AHCYL2: variants seen among roughly 807,000 people sequenced by gnomAD.
AHCYL2 encodes S-adenosylhomocysteine hydrolase-like protein 2.
In AHCYL2, 28 loss-of-function variants were observed where a neutral mutation model predicts 81.4. The ratio of observed to expected loss-of-function variants is 0.34; its 90% CI spans 0.25 to 0.47. The LOEUF (loss-of-function observed/expected upper bound fraction) is 0.47. Ranked by LOEUF, AHCYL2 falls within the 20% of genes least tolerant of loss-of-function variation. The pLI, the probability that AHCYL2 is intolerant of heterozygous loss-of-function variation, is 1.00. For missense variants in AHCYL2, 551 were observed against 785.1 expected, an observed-to-expected ratio of 0.70 and a Z score of 3.56; for synonymous variants, 272 against 290.2, an observed-to-expected ratio of 0.94 and a Z score of 0.64.
intron 1 of AHCYL2, among the ~76,000 whole-genome samples, chr7:129,236,325 C>T (rs925657908): frequency 4.6e-5 from 7 of 152,076 alleles, no homozygotes; most frequent in Admixed American, 3.9e-4. Flanking sequence ...CTCAGCCTCC[C>T]GAGTAGCTGG....
At chr7:129,251,627 G>A (rs1203160274) in intron 1 of AHCYL2, among the ~76,000 whole-genome samples, 2 of 152,126 alleles carry the variant, frequency 1.3e-5, no homozygotes, top group Non-Finnish European at 2.9e-5. Flanking sequence ...CCAAAGTGGT[G>A]AGATTACAGG....
chr7:129,338,964 C>T (rs7778277), intron 1 of AHCYL2, among the ~76,000 whole-genome samples: 36,944 of 152,008 alleles, frequency 0.24, 4,568 homozygotes, highest in South Asian at 0.37. Flanking sequence ...CCTTTGTGTT[C>T]GGATCTCACT....
At chr7:129,404,904 T>C (rs59400358) in intron 7 of AHCYL2, among the ~76,000 whole-genome samples, 193 bp from the exon 8 acceptor site, 1,960 of 152,282 alleles carry the variant, frequency 0.013, 42 homozygotes, top group African/African-American at 0.045. Flanking sequence ...GAATAAAATC[T>C]TTATTGTGAA....
chr7:129,268,112 T>C (rs533049961), intron 1 of AHCYL2, among the ~76,000 whole-genome samples: 1 of 152,342 alleles, frequency 6.6e-6, no homozygotes, highest in African/African-American at 2.4e-5. Context: ...TTTAAACTAG[T>C]AATTAGTAAT....
chr7:129,323,875 T>TC (rs1798123018), intron 1 of AHCYL2, among the ~76,000 whole-genome samples: 1 of 143,840 alleles, frequency 7.0e-6, no homozygotes, highest in East Asian at 2.0e-4. Flanking sequence ...CCTTTTAGCT[T>TC]TTTTTTTTTT....
chr7:129,366,400 C>T (rs1032898409), intron 1 of AHCYL2, among the ~76,000 whole-genome samples: 23 of 152,188 alleles, frequency 1.5e-4, no homozygotes, highest in Non-Finnish European at 2.8e-4. Context: ...ATCCAAAGGA[C>T]CATTCTCTTA....
At chr7:129,404,548 G>A (rs541337025) in intron 7 of AHCYL2, among the ~76,000 whole-genome samples, 415 of 152,226 alleles carry the variant, frequency 2.7e-3, no homozygotes, top group South Asian at 0.011. Context: ...GGTGGCGGGC[G>A]CCTATAATCC....
intron 1 of AHCYL2, among the ~76,000 whole-genome samples, chr7:129,329,199 A>G (rs1798330849): frequency 6.6e-6 from 1 of 152,106 alleles, no homozygotes; most frequent in Non-Finnish European, 1.5e-5. Context: ...GTTTTGTTTG[A>G]GATAGGGTCT....
rs1407738584 is a variant in AHCYL2 at position 129,429,393 on chromosome 7, C to T, written c.*2348C>T. On this transcript the variant is annotated 3_prime_UTR_variant, in exon 17 of 17. Coordinates refer to ENST00000325006, the MANE Select transcript of AHCYL2 (RefSeq NM_015328.4). ...CAATGTGTCTTCTTTCCTCCAACCT[C>T]TTACCTTAGATGCATCCTGGTTATC... 2.6e-5 allele frequency: 4 copies of T among 152,358 alleles called. No homozygotes were observed. In the East Asian group the frequency reaches 7.7e-4, roughly 29 times the overall value. 9.4% of individuals were successfully genotyped at this position (152,358 alleles called of 1,614,324 possible). A position where few individuals can be genotyped will look rare whatever the true frequency, so the allele number is the denominator to read the frequency against.
chr7:129,247,242 G>GT (rs1795094153), intron 1 of AHCYL2, among the ~76,000 whole-genome samples: 1 of 152,222 alleles, frequency 6.6e-6, no homozygotes, highest in Non-Finnish European at 1.5e-5. Context: ...ACTTGGCATT[G>GT]TCAGTCTTTT....
chr7:129,377,496 C>T (rs1794741842), intron 1 of AHCYL2: 1 of 455,472 alleles, frequency 2.2e-6, no homozygotes, highest in Admixed American at 2.4e-5. Context: ...GGCATTGGTC[C>T]CTTGTCGCAA....
intron 1 of AHCYL2, among the ~76,000 whole-genome samples, chr7:129,349,651 C>CAAA (rs34969591): frequency 0.018 from 1,558 of 85,924 alleles, 86 homozygotes; most frequent in African/African-American, 0.073. Context: ...GACTCTGTTT[C>CAAA]AAAAAAAAAA....
intron 1 of AHCYL2, among the ~76,000 whole-genome samples, chr7:129,240,959 G>GTTCCATC (rs1330783048): frequency 6.6e-6 from 1 of 152,080 alleles, no homozygotes; most frequent in Non-Finnish European, 1.5e-5. Flanking sequence ...ACTTAAGAAT[G>GTTCCATC]ACTTAGGAAT....
intron 1 of AHCYL2, among the ~76,000 whole-genome samples, chr7:129,253,271 T>C (rs756956673): frequency 5.9e-5 from 9 of 152,086 alleles, no homozygotes; most frequent in Non-Finnish European, 1.0e-4. Context: ...ATGAAGGCTT[T>C]GTCCCAATCT....
intron 1 of AHCYL2, among the ~76,000 whole-genome samples, chr7:129,319,662 C>T (rs1282630602): frequency 1.3e-5 from 2 of 152,164 alleles, no homozygotes; most frequent in Non-Finnish European, 2.9e-5. Flanking sequence ...TTTGCATTTT[C>T]TAGAATCTTA....
chr7:129,321,225 CAGA>C (rs1164657711), intron 1 of AHCYL2, among the ~76,000 whole-genome samples: 1 of 152,138 alleles, frequency 6.6e-6, no homozygotes, highest in East Asian at 1.9e-4. Context: ...TAAAAATACA[CAGA>C]AGATTCTTGT....
At chr7:129,279,889 GACA>G (rs1796369107) in intron 1 of AHCYL2, among the ~76,000 whole-genome samples, 1 of 152,132 alleles carries the variant, frequency 6.6e-6, no homozygotes, top group South Asian at 2.1e-4. Context: ...CAGCAGTGAG[GACA>G]ACCAGAGGCA....
chr7:129,339,915 TC>T (rs1793103211), intron 1 of AHCYL2, among the ~76,000 whole-genome samples: 2 of 70,846 alleles, frequency 2.8e-5, no homozygotes, highest in Non-Finnish European at 6.0e-5. Context: ...TTTCCTCTGC[TC>T]TTTTTTTTTT....
intron 1 of AHCYL2, among the ~76,000 whole-genome samples, chr7:129,312,010 G>A (rs1045372611): frequency 1.3e-5 from 2 of 151,902 alleles, no homozygotes. Context: ...TGGAGACAAC[G>A]TTTCGCTCTT....
Sources: allele counts gnomAD v4.1 joint callset (sites outside exome capture counted in the v4.1 genomes callset), GRCh38; gene constraint gnomAD v4.1.1; transcripts MANE v1.5; gene names NCBI Gene and HGNC (gene_info 2026-07-23, HGNC 2026-07-21).